TMEM123: variants seen among roughly 807,000 people sequenced by gnomAD.
TMEM123 encodes transmembrane protein 123, also known as porimin.
Under a neutral mutation model 19.7 loss-of-function variants are expected in TMEM123, and 16 were observed. That is an observed-to-expected ratio of 0.81 (90% CI 0.55 to 1.23). TMEM123 has a LOEUF of 1.23. Among genes scored for constraint, TMEM123 ranks in the 50% most tolerant of loss-of-function variants. TMEM123 has a pLI of 0.00. For missense variants in TMEM123, 313 were observed against 257.8 expected, an observed-to-expected ratio of 1.21 and a Z score of -1.47; for synonymous variants, 118 against 99.4, an observed-to-expected ratio of 1.19 and a Z score of -1.12.
chr11:102,406,914 G>A (rs1290049014), intron 2 of TMEM123, among the ~76,000 whole-genome samples: 1 of 151,200 alleles, frequency 6.6e-6, no homozygotes, highest in Non-Finnish European at 1.5e-5. Flanking sequence ...GTACAGCTTA[G>A]AGAGGGGGAG....
At chr11:102,440,258 A>G (rs1337706641) in intron 2 of TMEM123, among the ~76,000 whole-genome samples, 5 of 152,232 alleles carry the variant, frequency 3.3e-5, no homozygotes, top group Non-Finnish European at 7.3e-5. Flanking sequence ...CAGATTCACC[A>G]AAGTTGAAAT....
At chr11:102,416,742 A>T (rs1591557643) in intron 2 of TMEM123, among the ~76,000 whole-genome samples, 1 of 152,158 alleles carries the variant, frequency 6.6e-6, no homozygotes. Context: ...AGATACAAAA[A>T]TCCTCAAGAA....
chr11:102,407,863 C>T (rs537011330), intron 2 of TMEM123, among the ~76,000 whole-genome samples: 1 of 152,222 alleles, frequency 6.6e-6, no homozygotes, highest in Non-Finnish European at 1.5e-5. Context: ...TTAAGCCACC[C>T]AGTTTCTGGT....
chr11:102,452,726 G>GGCCGCGCACGTTTCCCCTCCC lies in TMEM123; in HGVS notation c.-124_-104dup. 1 of 892,296 alleles carries GGCCGCGCACGTTTCCCCTCCC rather than the reference G, an allele frequency of 1.1e-6. No homozygotes were observed. Among genetic ancestry groups the GGCCGCGCACGTTTCCCCTCCC allele is most frequent in the Non-Finnish European group, 1.5e-6 (1 of 659,062 alleles). The allele number at this position is 892,296 out of a possible 1,614,324, so 55.3% of individuals were successfully genotyped here. A position where few individuals can be genotyped will look rare whatever the true frequency, so the allele number is the denominator to read the frequency against. ...CCGGCGCCGGCTCCGCTTCCCCTTCGGCCGCGCACGTTTCCCCTCCCGCCG... is the reference window on the plus strand; with the variant it reads ...CCGGCGCCGGCTCCGCTTCCCCTTCGGCCGCGCACGTTTCCCCTCCCGCCGCGCACGTTTCCCCTCCCGCCG... On this transcript the variant is annotated 5_prime_UTR_variant, in exon 1 of 5. Coordinates refer to ENST00000398136, the MANE Select transcript of TMEM123 (RefSeq NM_052932.3).
intron 2 of TMEM123, among the ~76,000 whole-genome samples, chr11:102,436,734 A>G (rs138495467): frequency 1.4e-5 from 2 of 147,572 alleles, no homozygotes; most frequent in African/African-American, 4.9e-5. Flanking sequence ...TAAGTCATCA[A>G]TTTTAGTCTG....
chr11:102,438,439 TGA>T (rs974046824), intron 2 of TMEM123, among the ~76,000 whole-genome samples: 1 of 152,238 alleles, frequency 6.6e-6, no homozygotes, highest in African/African-American at 2.4e-5. Flanking sequence ...ATTATCTTCA[TGA>T]GAGCAGGAAC....
chr11:102,404,388 A>G (rs1261269576), intron 2 of TMEM123, among the ~76,000 whole-genome samples: 1 of 151,546 alleles, frequency 6.6e-6, no homozygotes, highest in Non-Finnish European at 1.5e-5. Context: ...GGTTCAAGCG[A>G]TTCTCGTGCC....
rs1857953851 is a variant in TMEM123 at position 102,452,533 on chromosome 11, C to G, written c.91G>C (p.Ala31Pro). 6.4e-7 allele frequency: 1 copy of G among 1,553,266 alleles called. No individual in the cohort carries two copies. The highest frequency in any genetic ancestry group is 8.7e-7 in the Non-Finnish European group (1 of 1,153,698). Reference protein sequence around the residue: ...ALLGAAHESAAMAASANIENS... With the variant: ...ALLGAAHESAPMAASANIENS... The stretch of plus-strand genomic sequence containing the variant: ...CCCCGCAGCCACTTACCCGCCATGG[C>G]TGCGCTTTCATGGGCGGCCCCCAGC... Residue 31 changes from alanine (A) to proline (P), a missense_variant, in exon 1 of 5, where the codon GCC (alanine) becomes CCC (proline). Coordinates refer to ENST00000398136, the MANE Select transcript of TMEM123 (RefSeq NM_052932.3).
chr11:102,450,596 T>C (rs533049222), intron 1 of TMEM123, among the ~76,000 whole-genome samples: 1 of 152,272 alleles, frequency 6.6e-6, no homozygotes, highest in South Asian at 2.1e-4. Context: ...ATGGTAATAC[T>C]GTGGAATAAA....
At chr11:102,411,316 C>T (rs922027647) in intron 2 of TMEM123, among the ~76,000 whole-genome samples, 2 of 152,108 alleles carry the variant, frequency 1.3e-5, no homozygotes, top group East Asian at 1.9e-4. Flanking sequence ...TCCCAGAGAG[C>T]GTATCGAAGC....
chr11:102,448,967 CAGGAGGGT>C (rs1857911491), intron 1 of TMEM123, 99 bp from the exon 2 acceptor site: 1 of 1,165,704 alleles, frequency 8.6e-7, no homozygotes, highest in Admixed American at 1.7e-5. Context: ...GTAGTGGTGT[CAGGAGGGT>C]AGATTATTCC....
chr11:102,432,316 T>C (rs1292483486), intron 2 of TMEM123, among the ~76,000 whole-genome samples: 4 of 152,282 alleles, frequency 2.6e-5, no homozygotes, highest in African/African-American at 4.8e-5. Flanking sequence ...AAAATGCTGA[T>C]AGTGATATGG....
intron 2 of TMEM123, among the ~76,000 whole-genome samples, chr11:102,430,165 C>T (rs1857681192): frequency 6.6e-6 from 1 of 152,188 alleles, no homozygotes; most frequent in Admixed American, 6.5e-5. Context: ...GCAATTCTCC[C>T]CTGTTAAGTG....
chr11:102,430,400 T>C (rs1049731079), intron 2 of TMEM123, among the ~76,000 whole-genome samples: 1 of 151,996 alleles, frequency 6.6e-6, no homozygotes, highest in Non-Finnish European at 1.5e-5. Context: ...GGAGGCAGAG[T>C]GAGATGAAGC....
chr11:102,440,314 C>T (rs1857811562), intron 2 of TMEM123, among the ~76,000 whole-genome samples: 1 of 152,186 alleles, frequency 6.6e-6, no homozygotes, highest in Non-Finnish European at 1.5e-5. Flanking sequence ...GTTGGGTTAT[C>T]CACAAAGCGA....
chr11:102,448,119 TAAAC>T, intron 2 of TMEM123: 1 of 408,956 alleles, frequency 2.4e-6, no homozygotes, highest in Non-Finnish European at 4.9e-6. Context: ...TGACTAAAAG[TAAAC>T]AAAACAAGTT....
chr11:102,406,800 G>A (rs1254633529), intron 2 of TMEM123, among the ~76,000 whole-genome samples: 1 of 151,778 alleles, frequency 6.6e-6, no homozygotes, highest in Non-Finnish European at 1.5e-5. Context: ...GAACCTGGGA[G>A]GCAGAGCTTG....
At chr11:102,430,931 G>A (rs1447165995) in intron 2 of TMEM123, among the ~76,000 whole-genome samples, 1 of 152,030 alleles carries the variant, frequency 6.6e-6, no homozygotes, top group Non-Finnish European at 1.5e-5. Flanking sequence ...CATGGGGGAG[G>A]GACCACTAAA....
Position 102,402,126 on chromosome 11 carries a change from C to G in TMEM123, c.238G>C (p.Asp80His). 1 of 1,614,052 alleles carries G rather than the reference C, an allele frequency of 6.2e-7. No individual in the cohort carries two copies. Among genetic ancestry groups the G allele is most frequent in the African/African-American group, 1.3e-5 (1 of 74,988 alleles). Residue 80 changes from aspartate to histidine, a missense_variant, in exon 3 of 5, where the codon GAC becomes CAC. By Grantham distance (81) the Asp-to-His change is moderately conservative (BLOSUM62 -1). Transcript: ENST00000398136. The stretch of plus-strand genomic sequence containing the variant: ...GTGGTGACCGTTGTATTACTGGAGT[C>G]TGAGGCAACTGAAGTTGGTGGTTTC... ...TVKPPTSVAS[D>H]SSNTTVTTMK...
Sources: gnomAD v4.1 joint callset for allele counts (sites outside exome capture counted in the v4.1 genomes callset) on GRCh38, gnomAD v4.1.1 for gene constraint, MANE v1.5 for transcripts, NCBI Gene and HGNC (gene_info 2026-07-23, HGNC 2026-07-21) for gene names.